The following FBXL13 variants were observed in gnomAD, a reference collection of about 807,000 sequenced individuals.
FBXL13 encodes F-box and leucine-rich repeat protein 13.
In FBXL13, 67 loss-of-function variants were observed where a neutral mutation model predicts 83.6. The observed-to-expected ratio is 0.80, with a 90% confidence interval of 0.66 to 0.98. The LOEUF is 0.98. Among genes scored for constraint, FBXL13 ranks in the 50% least tolerant of loss-of-function variants. The pLI is 0.00. For synonymous variants in FBXL13, 272 were observed against 299.5 expected (o/e 0.91, Z 0.95); for missense variants, 822 against 866.5 (o/e 0.95, Z 0.64).
At chr7:103,063,771 T>C (rs1798142926) in intron 1 of FBXL13, among the ~76,000 whole-genome samples, 1 of 145,548 alleles carries the variant, frequency 6.9e-6, no homozygotes. Context: ...CCCAGGCTAG[T>C]TTCAAACTCC....
chr7:102,811,389 T>TA (rs1159874452), downstream of FBXL13, among the ~76,000 whole-genome samples: 1 of 152,230 alleles, frequency 6.6e-6, no homozygotes, highest in Non-Finnish European at 1.5e-5. Flanking sequence ...ATCGAAAACT[T>TA]AAAAGATTTC....
chr7:102,838,448 TA>T (rs530232541), intron 17 of FBXL13, among the ~76,000 whole-genome samples: 50 of 150,786 alleles, frequency 3.3e-4, no homozygotes, highest in Middle Eastern at 3.4e-3. Flanking sequence ...AACACCATAG[TA>T]AAAAAAAAAT....
intron 11 of FBXL13, among the ~76,000 whole-genome samples, chr7:102,898,060 T>C (rs942554794): frequency 6.6e-6 from 1 of 152,144 alleles, no homozygotes; most frequent in Non-Finnish European, 1.5e-5. Context: ...CTCTAAGTTT[T>C]CTAAATCATA....
intron 8 of FBXL13, among the ~76,000 whole-genome samples, chr7:102,940,895 TATTAATA>T: frequency 6.6e-6 from 1 of 152,224 alleles, no homozygotes. Context: ...TTATTAAAAT[TATTAATA>T]ATGTAATGTA....
Position 102,931,874 on chromosome 7 carries a change from T to C in FBXL13, c.777+7A>G, listed in dbSNP as rs1418352696. ...AAACAGCAGTAAAAATGGTTGCTTATACTCACTGTGAATGTTGGGCAGTCA... is the reference window on the plus strand; with the variant it reads ...AAACAGCAGTAAAAATGGTTGCTTACACTCACTGTGAATGTTGGGCAGTCA... On this transcript the variant is annotated splice_region_variant and intron_variant, in intron 9 of 19. Transcript: ENST00000313221. 8 of 1,613,328 alleles carry C rather than the reference T, an allele frequency of 5.0e-6. No homozygotes were observed. Among genetic ancestry groups the C allele is most frequent in the Non-Finnish European group, 6.8e-6 (8 of 1,179,574 alleles).
rs369979447 is a variant in FBXL13 at position 102,912,955 on chromosome 7, T to C, written c.1008+131A>G. The C allele has an allele frequency of 3.9e-5, 47 of 1,212,038 alleles. 1 individual carries two copies. Among genetic ancestry groups the C allele is most frequent in the East Asian group, 2.3e-4 (9 of 38,532 alleles). 75.1% of individuals were successfully genotyped at this position (1,212,038 alleles called of 1,614,324 possible). A position where few individuals can be genotyped will look rare whatever the true frequency, so the allele number is the denominator to read the frequency against. ...GGGAAAATTTCAGCAGCTGGGGCCA[T>C]GTAATTTAAAACCTCTGAAAAGTGT... On this transcript the variant is annotated intron_variant, in intron 11 of 19. Transcript: ENST00000313221.
chr7:103,071,519 G>A (rs1394546907), intron 1 of FBXL13, among the ~76,000 whole-genome samples: 1 of 151,106 alleles, frequency 6.6e-6, no homozygotes, highest in Non-Finnish European at 1.5e-5. Flanking sequence ...GAGTAGCAGG[G>A]ACTACAGGTG....
intron 14 of FBXL13, among the ~76,000 whole-genome samples, chr7:102,879,833 A>C (rs927063415): frequency 5.6e-4 from 86 of 152,262 alleles, no homozygotes; most frequent in African/African-American, 2.0e-3. Flanking sequence ...CAGCCTCCCG[A>C]GTAGCTAGGA....
intron 6 of FBXL13, among the ~76,000 whole-genome samples, chr7:102,999,694 T>C (rs937421387): frequency 2.6e-5 from 4 of 152,196 alleles, no homozygotes; most frequent in African/African-American, 9.6e-5. Flanking sequence ...TTCCAATTTG[T>C]TGGCATAGAT....
intron 9 of FBXL13, among the ~76,000 whole-genome samples, chr7:102,929,424 G>A (rs547365834): frequency 4.7e-4 from 72 of 152,272 alleles, no homozygotes; most frequent in African/African-American, 1.7e-3. Context: ...CACTTTGGGA[G>A]GCCGAGGCGG....
intron 18 of FBXL13, among the ~76,000 whole-genome samples, chr7:102,826,019 A>G (rs1799561216): frequency 6.6e-6 from 1 of 152,206 alleles, no homozygotes; most frequent in South Asian, 2.1e-4. Flanking sequence ...AATTATGATT[A>G]TTCATCTCCT....
intron 6 of FBXL13, among the ~76,000 whole-genome samples, chr7:103,008,559 C>CT (rs1554498730): frequency 3.3e-5 from 5 of 151,848 alleles, no homozygotes; most frequent in Admixed American, 1.3e-4. Flanking sequence ...ATATAATTGA[C>CT]TTTTTTTTTC....
intron 6 of FBXL13, among the ~76,000 whole-genome samples, chr7:103,004,231 T>A (rs184355548): frequency 3.4e-4 from 52 of 152,312 alleles, no homozygotes; most frequent in African/African-American, 1.2e-3. Flanking sequence ...GCCTGCTGAG[T>A]TCCATTAATG....
intron 1 of FBXL13, among the ~76,000 whole-genome samples, chr7:103,070,564 TAAAG>T: frequency 1.3e-5 from 2 of 152,312 alleles, no homozygotes; most frequent in East Asian, 3.9e-4. Flanking sequence ...TGCACGGCTA[TAAAG>T]AAATACCTGA....
At chr7:103,070,775 A>G (rs923355260) in intron 1 of FBXL13, among the ~76,000 whole-genome samples, 2 of 152,156 alleles carry the variant, frequency 1.3e-5, no homozygotes, top group East Asian at 3.9e-4. Context: ...AGGCTCTTCT[A>G]AACAACCAGC....
intron 6 of FBXL13, among the ~76,000 whole-genome samples, chr7:103,012,907 T>C (rs1791812649): frequency 6.6e-6 from 1 of 152,198 alleles, no homozygotes; most frequent in South Asian, 2.1e-4. Flanking sequence ...CCATCTCACA[T>C]GCACTGGCAC....
At chr7:103,070,610 T>A (rs1394621748) in intron 1 of FBXL13, among the ~76,000 whole-genome samples, 1 of 151,808 alleles carries the variant, frequency 6.6e-6, no homozygotes, top group African/African-American at 2.4e-5. Context: ...AAGAGTTGTA[T>A]GCGGCTCAGG....
At chr7:102,827,057 A>G (rs746171465) in intron 18 of FBXL13, 3 of 420,542 alleles carry the variant, frequency 7.1e-6, no homozygotes, top group South Asian at 3.2e-5. Context: ...CACCTCTTGA[A>G]TCTAAACTAA....
At chr7:103,059,093 C>G (rs185484574) in intron 1 of FBXL13, among the ~76,000 whole-genome samples, 85 of 152,166 alleles carry the variant, frequency 5.6e-4, no homozygotes, top group Middle Eastern at 6.8e-3. Context: ...GACCCCATCT[C>G]TAAAAAATAC....
Sources: gnomAD v4.1 joint callset for allele counts (sites outside exome capture counted in the v4.1 genomes callset) on GRCh38, gnomAD v4.1.1 for gene constraint, MANE v1.5 for transcripts, NCBI Gene and HGNC (gene_info 2026-07-23, HGNC 2026-07-21) for gene names.